The following SH3PXD2A variants were observed in gnomAD, a reference collection of about 807,000 sequenced individuals.
SH3PXD2A encodes the protein SH3 and PX domains 2A.
A neutral mutation model predicts 115.2 loss-of-function variants in SH3PXD2A; 32 were observed. The observed-to-expected ratio is 0.28, with a 90% CI of 0.21 to 0.37. The LOEUF (loss-of-function observed/expected upper bound fraction) is 0.37. SH3PXD2A is among the 10% of genes least tolerant of loss of function. SH3PXD2A has a pLI of 1.00. For synonymous variants in SH3PXD2A, 610 were observed against 629.1 expected (o/e 0.97, Z 0.45); for missense variants, 1,328 against 1,498.7 (o/e 0.89, Z 1.88).
chr10:103,595,139 T>G lies in SH3PXD2A; in HGVS notation c.*6677A>C, dbSNP rs879382259. Reference sequence around the variant, plus strand: ...ATTGGTTTGTGGCTGGTGACTTCTCTCTGCTAAGTAAATCAATGACCATTC... The same window carrying G: ...ATTGGTTTGTGGCTGGTGACTTCTCGCTGCTAAGTAAATCAATGACCATTC... On this transcript the variant is annotated 3_prime_UTR_variant, in exon 15 of 15. Coordinates refer to ENST00000369774, the MANE Select transcript of SH3PXD2A (RefSeq NM_001394015.1). 1 of 152,222 alleles carries G rather than the reference T, an allele frequency of 6.6e-6. No individual in the cohort carries two copies. The highest frequency in any genetic ancestry group is 6.5e-5 in the Admixed American group (1 of 15,288). 9.4% of individuals were successfully genotyped at this position (152,222 alleles called of 1,614,324 possible).
intron 6 of SH3PXD2A, among the ~76,000 whole-genome samples, chr10:103,677,300 C>T (rs1228789445): frequency 1.3e-5 from 2 of 152,202 alleles, no homozygotes; most frequent in Non-Finnish European, 2.9e-5. Context: ...CCACAGACAC[C>T]GTCCCCAGCA....
At chr10:103,647,106 G>A (rs2037047327) in intron 8 of SH3PXD2A, among the ~76,000 whole-genome samples, 1 of 152,098 alleles carries the variant, frequency 6.6e-6, no homozygotes, top group Non-Finnish European at 1.5e-5. Flanking sequence ...ATATACCCTG[G>A]CTGTGGCAGG....
intron 6 of SH3PXD2A, chr10:103,678,101 G>T: frequency 2.3e-6 from 3 of 1,287,476 alleles, no homozygotes; most frequent in Non-Finnish European, 3.0e-6. Context: ...TACAGTCTCT[G>T]GCAGGATGGA....
chr10:103,728,882 TTTGTTTG>T (rs370188425), intron 4 of SH3PXD2A, among the ~76,000 whole-genome samples: 4 of 131,800 alleles, frequency 3.0e-5, no homozygotes, highest in African/African-American at 9.7e-5. Context: ...AGTTGTTTTT[TTTGTTTG>T]TTTGTTTGTT....
Position 103,816,997 on chromosome 10 carries a change from A to ATTT in SH3PXD2A, c.73-15638_73-15636dup, listed in dbSNP as rs56260224. Among the ~76,000 whole-genome samples the ATTT allele has an allele frequency of 2.2e-3, 216 of 99,580 alleles. 1 individual carries two copies. Among genetic ancestry groups the ATTT allele is most frequent in the African/African-American group, 6.9e-3 (182 of 26,256 alleles). The allele number at this position is 99,580 out of a possible 152,430, so 65.3% of individuals were successfully genotyped here. On this transcript the variant is annotated intron_variant, in intron 1 of 14. Transcript: ENST00000369774. ...AGGTGTGTGCCAACACACCCGGCTA[A>ATTT]TTTTTTTTTTTTTTTTTTTTTTCTG...
chr10:103,733,386 G>A (rs896235305), intron 4 of SH3PXD2A, among the ~76,000 whole-genome samples: 3 of 152,184 alleles, frequency 2.0e-5, no homozygotes, highest in Non-Finnish European at 2.9e-5. Context: ...GCTAATCTGA[G>A]CTATAAATCC....
At position 103,820,133 on chromosome 10, in the gene SH3PXD2A, G is replaced by C. The variant is rs529060378; in HGVS notation, c.73-18771C>G. ...CCAGAAGTCAATGACTTTGTTTCAC[G>C]CTCAATTCGCTCCCAGGCACCGGAT... On this transcript the variant is annotated intron_variant, in intron 1 of 14. Coordinates refer to ENST00000369774, the MANE Select transcript of SH3PXD2A (RefSeq NM_001394015.1). Among the ~76,000 whole-genome samples the C allele has an allele frequency of 4.6e-5, 7 of 152,288 alleles. No homozygotes were observed. In the East Asian group the frequency reaches 1.2e-3, roughly 25 times the overall value.
chr10:103,785,220 C>G (rs1023639465), intron 2 of SH3PXD2A, among the ~76,000 whole-genome samples: 2 of 152,220 alleles, frequency 1.3e-5, no homozygotes, highest in Admixed American at 6.5e-5. Flanking sequence ...CACTCCCTTT[C>G]CTGGGCACCT....
At chr10:103,655,771 TAAAA>T (rs60526548) in intron 8 of SH3PXD2A, among the ~76,000 whole-genome samples, 27 of 46,182 alleles carry the variant, frequency 5.8e-4, no homozygotes, top group Non-Finnish European at 7.9e-4. Flanking sequence ...AGACCCTGTC[TAAAA>T]AAAAAAAAAA....
chr10:103,728,860 T>C (rs1045722870), intron 4 of SH3PXD2A, among the ~76,000 whole-genome samples: 1 of 151,502 alleles, frequency 6.6e-6, no homozygotes, highest in Admixed American at 6.6e-5. Context: ...TCACAGCTAG[T>C]AAGTAGCAAA....
At chr10:103,767,641 G>T (rs2038768280) in intron 2 of SH3PXD2A, among the ~76,000 whole-genome samples, 1 of 150,978 alleles carries the variant, frequency 6.6e-6, no homozygotes, top group African/African-American at 2.5e-5. Flanking sequence ...CCGTGCTGTG[G>T]AAACAGAACC....
chr10:103,736,375 G>A (rs1375324991), intron 3 of SH3PXD2A, among the ~76,000 whole-genome samples: 2 of 152,276 alleles, frequency 1.3e-5, no homozygotes, highest in Non-Finnish European at 2.9e-5. Flanking sequence ...GCTGCTGCCA[G>A]CTGGGCTGGG....
intron 5 of SH3PXD2A, among the ~76,000 whole-genome samples, chr10:103,700,276 AG>A (rs1443041183): frequency 6.6e-6 from 1 of 152,238 alleles, no homozygotes; most frequent in Non-Finnish European, 1.5e-5. Context: ...CGGTTGTAAA[AG>A]GGGGTTAAAA....
intron 3 of SH3PXD2A, among the ~76,000 whole-genome samples, chr10:103,738,634 A>C (rs2038407956): frequency 6.6e-6 from 1 of 152,316 alleles, no homozygotes; most frequent in South Asian, 2.1e-4. Flanking sequence ...CTCAGCCTCC[A>C]AAAATGCACT....
At chr10:103,836,255 G>T (rs995563123) in intron 1 of SH3PXD2A, among the ~76,000 whole-genome samples, 1 of 152,010 alleles carries the variant, frequency 6.6e-6, no homozygotes, top group African/African-American at 2.4e-5. Flanking sequence ...ATCATAGGGG[G>T]CTCTCAAGGA....
chr10:103,701,738 AG>A (rs2037911566), intron 5 of SH3PXD2A, among the ~76,000 whole-genome samples: 1 of 17,476 alleles, frequency 5.7e-5, no homozygotes, highest in African/African-American at 3.6e-4. Context: ...TCATTCATCC[AG>A]CCATCCATCC....
At chr10:103,685,806 C>A (rs144893366) in intron 6 of SH3PXD2A, among the ~76,000 whole-genome samples, 8 of 152,312 alleles carry the variant, frequency 5.3e-5, no homozygotes, top group Non-Finnish European at 1.0e-4. Context: ...CATTCTGGCT[C>A]CAGAGTCCAC....
chr10:103,823,354 G>A (rs987900581), intron 1 of SH3PXD2A, among the ~76,000 whole-genome samples: 5 of 152,174 alleles, frequency 3.3e-5, no homozygotes, highest in African/African-American at 1.2e-4. Flanking sequence ...TCCTGATTCA[G>A]GCCAGAGTTG....
At chr10:103,817,185 A>G (rs995314757) in intron 1 of SH3PXD2A, among the ~76,000 whole-genome samples, 2 of 150,208 alleles carry the variant, frequency 1.3e-5, no homozygotes, top group Admixed American at 6.7e-5. Flanking sequence ...GTTCAGGGGT[A>G]TATGTGAAGG....
Sources: gnomAD v4.1 joint callset for allele counts (sites outside exome capture counted in the v4.1 genomes callset) on GRCh38, gnomAD v4.1.1 for gene constraint, MANE v1.5 for transcripts, NCBI Gene and HGNC (gene_info 2026-07-23, HGNC 2026-07-21) for gene names.